UMAD1: variants seen among roughly 807,000 people sequenced by gnomAD.
UMAD1 encodes UBAP1-MVB12-associated (UMA) domain containing 1, also known as UBAP1-MVB12-associated (UMA)-domain containing protein 1.
In UMAD1, 8 loss-of-function variants were observed where a neutral mutation model predicts 6.1. The observed-to-expected ratio is 1.30, with a 90% CI of 0.76 to 2.35. UMAD1 has a LOEUF of 2.35. Ranked by LOEUF, UMAD1 falls within the 30% of genes most tolerant of loss-of-function variation. The pLI is 0.00. For missense variants in UMAD1, 130 were observed against 78.4 expected (o/e 1.66, Z -2.49); for synonymous variants, 56 against 31.4 (o/e 1.78, Z -2.61).
At chr7:7,677,656 GTTTTTTTGTTTTTTTTTT>G (rs1563112322) in intron 2 of UMAD1, among the ~76,000 whole-genome samples, 1 of 41,438 alleles carries the variant, frequency 2.4e-5, no homozygotes, top group African/African-American at 6.2e-5. Flanking sequence ...CTATTCATCT[GTTTTTTTGTTTTTTTTTT>G]TTTTTTTTTT....
intron 2 of UMAD1, among the ~76,000 whole-genome samples, chr7:7,737,778 G>A (rs142163708): frequency 6.6e-6 from 1 of 152,268 alleles, no homozygotes; most frequent in African/African-American, 2.4e-5. Context: ...TGGGTATATT[G>A]TCTTTTTGTG....
chr7:7,862,875 G>A (rs1784141285), intron 3 of UMAD1, among the ~76,000 whole-genome samples: 1 of 152,120 alleles, frequency 6.6e-6, no homozygotes, highest in African/African-American at 2.4e-5. Context: ...TTCGCTTGAT[G>A]GAAATTTACC....
At chr7:7,800,363 A>G (rs1251337211) in intron 2 of UMAD1, among the ~76,000 whole-genome samples, 1 of 152,290 alleles carries the variant, frequency 6.6e-6, no homozygotes, top group African/African-American at 2.4e-5. Context: ...TATCTTAAAT[A>G]TATAAGCTAC....
intron 1 of UMAD1, among the ~76,000 whole-genome samples, chr7:7,667,345 G>C (rs1779491109): frequency 6.6e-6 from 1 of 152,176 alleles, no homozygotes. Context: ...GAGTATTCTT[G>C]GGAACTCCAG....
intron 2 of UMAD1, among the ~76,000 whole-genome samples, chr7:7,798,883 C>T (rs1254145200): frequency 6.6e-6 from 1 of 152,020 alleles, no homozygotes; most frequent in Admixed American, 6.5e-5. Context: ...CTGTGCTTGC[C>T]CAACAGTAAT....
intron 1 of UMAD1, among the ~76,000 whole-genome samples, chr7:7,645,598 T>G (rs1049693246): frequency 4.6e-5 from 7 of 152,232 alleles, no homozygotes; most frequent in African/African-American, 1.2e-4. Flanking sequence ...TTTCTGTTTA[T>G]TAGATTAAGG....
At chr7:7,766,320 A>G (rs7792868) in intron 2 of UMAD1, among the ~76,000 whole-genome samples, 60,474 of 152,134 alleles carry the variant, frequency 0.4, 14,321 homozygotes, top group African/African-American at 0.68. Context: ...CACAGTTTAT[A>G]TTAGGAAATA....
At chr7:7,714,643 T>G (rs866555369) in intron 2 of UMAD1, among the ~76,000 whole-genome samples, 1 of 152,122 alleles carries the variant, frequency 6.6e-6, no homozygotes, top group African/African-American at 2.4e-5. Context: ...TTGTGTACAA[T>G]GTATTATATG....
intron 2 of UMAD1, among the ~76,000 whole-genome samples, chr7:7,790,659 C>T (rs187429730): frequency 8.5e-5 from 13 of 152,270 alleles, no homozygotes; most frequent in East Asian, 1.9e-4. Context: ...TTTCCTGATA[C>T]GAACACTTTA....
chr7:7,699,048 G>T (rs1256541027), intron 2 of UMAD1, among the ~76,000 whole-genome samples: 2 of 120,786 alleles, frequency 1.7e-5, no homozygotes, highest in Admixed American at 8.0e-5. Flanking sequence ...GTGTGTGTGT[G>T]TGGGGGGGGG....
intron 1 of UMAD1, among the ~76,000 whole-genome samples, chr7:7,670,849 C>T (rs1243778600): frequency 6.6e-6 from 1 of 152,166 alleles, no homozygotes; most frequent in Non-Finnish European, 1.5e-5. Context: ...TTCTGCAATT[C>T]CACAGTAGAA....
At chr7:7,673,576 T>C in intron 2 of UMAD1, 123 bp downstream of exon 2, 1 of 617,402 alleles carries the variant, frequency 1.6e-6, no homozygotes. Context: ...ATGTGTTTAA[T>C]TTTTAAAGCG....
intron 1 of UMAD1, among the ~76,000 whole-genome samples, chr7:7,641,977 G>C (rs1225347087): frequency 2.0e-5 from 3 of 152,198 alleles, no homozygotes; most frequent in African/African-American, 7.2e-5. Context: ...AACAGATGTA[G>C]AATGTGTGTC....
intron 3 of UMAD1, among the ~76,000 whole-genome samples, chr7:7,822,714 A>G (rs778232842): frequency 3.9e-5 from 6 of 152,202 alleles, no homozygotes; most frequent in Non-Finnish European, 5.9e-5. Flanking sequence ...AAATTCCTAG[A>G]TTTGAACAGT....
At chr7:7,742,643 T>G in intron 2 of UMAD1, 2 of 331,302 alleles carry the variant, frequency 6.0e-6, no homozygotes, top group Non-Finnish European at 1.2e-5. Context: ...GAACCATAAT[T>G]TTCAAGTGAT....
intron 3 of UMAD1, among the ~76,000 whole-genome samples, chr7:7,820,723 T>C (rs897584713): frequency 4.6e-5 from 7 of 152,206 alleles, no homozygotes; most frequent in Admixed American, 2.6e-4. Flanking sequence ...AGTTATTCTT[T>C]TCTTGATTTT....
chr7:7,659,345 A>G (rs544199683), intron 1 of UMAD1, among the ~76,000 whole-genome samples: 43 of 152,094 alleles, frequency 2.8e-4, no homozygotes, highest in African/African-American at 8.9e-4. Flanking sequence ...GTCTTCTGCT[A>G]GCTTTTGAAT....
chr7:7,662,864 TATA>T (rs552875986), intron 1 of UMAD1, among the ~76,000 whole-genome samples: 178 of 152,320 alleles, frequency 1.2e-3, no homozygotes, highest in African/African-American at 3.9e-3. Context: ...AAAAGAAAGA[TATA>T]ATGATTTTGT....
chr7:7,642,999 T>C (rs997748001), intron 1 of UMAD1, among the ~76,000 whole-genome samples: 1 of 152,206 alleles, frequency 6.6e-6, no homozygotes, highest in African/African-American at 2.4e-5. Flanking sequence ...TGTTGACGAA[T>C]GTACGTAGAT....
Sources: allele counts gnomAD v4.1 joint callset (sites outside exome capture counted in the v4.1 genomes callset), GRCh38; gene constraint gnomAD v4.1.1; transcripts MANE v1.5; gene names NCBI Gene and HGNC (gene_info 2026-07-23, HGNC 2026-07-21).